The following RBFOX3 variants were observed in gnomAD, a reference collection of about 807,000 sequenced individuals.
RBFOX3 encodes the protein RNA binding fox-1 homolog 3.
Under a neutral mutation model 48.7 loss-of-function variants are expected in RBFOX3, and 17 were observed. That is an observed-to-expected ratio of 0.35 (90% confidence interval 0.24 to 0.52). The LOEUF is 0.52. Ranked by LOEUF, RBFOX3 falls within the 20% of genes least tolerant of loss-of-function variation. The pLI is 0.94. For synonymous variants in RBFOX3, 212 were observed against 209.5 expected, an observed-to-expected ratio of 1.01 and a Z score of -0.10; for missense variants, 382 against 497.5, an observed-to-expected ratio of 0.77 and a Z score of 2.21.
At chr17:79,456,071 G>A (rs972976526) in intron 2 of RBFOX3, among the ~76,000 whole-genome samples, 2 of 151,970 alleles carry the variant, frequency 1.3e-5, no homozygotes, top group Non-Finnish European at 2.9e-5. Context: ...TACTGACCAG[G>A]CCCCACCCCA....
intron 4 of RBFOX3, among the ~76,000 whole-genome samples, chr17:79,176,117 T>C (rs1301612225): frequency 6.6e-6 from 1 of 152,164 alleles, no homozygotes; most frequent in African/African-American, 2.4e-5. Context: ...CAGGAGGAAT[T>C]TGCGGAAGGG....
chr17:79,517,084 A>G (rs2085350865), intron 1 of RBFOX3, among the ~76,000 whole-genome samples: 1 of 152,116 alleles, frequency 6.6e-6, no homozygotes, highest in East Asian at 1.9e-4. Context: ...GCCGAATGCC[A>G]CTGGCTGAAC....
intron 5 of RBFOX3, among the ~76,000 whole-genome samples, chr17:79,110,130 C>CAA (rs34151285): frequency 8.3e-5 from 11 of 132,354 alleles, no homozygotes; most frequent in Non-Finnish European, 6.6e-5. Flanking sequence ...TTCCCCCACT[C>CAA]AAAAAAAAAA....
chr17:79,285,792 T>C (rs2071727637), intron 3 of RBFOX3, among the ~76,000 whole-genome samples: 1 of 152,196 alleles, frequency 6.6e-6, no homozygotes, highest in Admixed American at 6.5e-5. Flanking sequence ...CAAGTGATTC[T>C]CCTGCCTCAG....
At chr17:79,259,775 TCAGGGTCACAGTAGCCG>T (rs2065449680) in intron 3 of RBFOX3, among the ~76,000 whole-genome samples, 1 of 152,038 alleles carries the variant, frequency 6.6e-6, no homozygotes, top group Non-Finnish European at 1.5e-5. Flanking sequence ...CCCCCGCATC[TCAGGGTCACAGTAGCCG>T]CAGGGGCTCT....
At chr17:79,611,157 T>G (rs1242771100), upstream of RBFOX3, among the ~76,000 whole-genome samples, 5 of 24,890 alleles carry the variant, frequency 2.0e-4, no homozygotes, top group Admixed American at 5.4e-4. Flanking sequence ...TCTCTCTCTC[T>G]CTCTCTCTCT....
At chr17:79,385,719 G>C (rs1006198698) in intron 2 of RBFOX3, among the ~76,000 whole-genome samples, 1 of 152,134 alleles carries the variant, frequency 6.6e-6, no homozygotes, top group Non-Finnish European at 1.5e-5. Context: ...TCCCATAACA[G>C]AAGGAGGCTC....
intron 1 of RBFOX3, among the ~76,000 whole-genome samples, chr17:79,567,475 G>T (rs922432722): frequency 6.6e-6 from 1 of 152,200 alleles, no homozygotes; most frequent in African/African-American, 2.4e-5. Flanking sequence ...GTGAGCCACC[G>T]CACCCAGCCA....
chr17:79,457,156 C>T (rs1404386653), intron 2 of RBFOX3, among the ~76,000 whole-genome samples: 1 of 152,228 alleles, frequency 6.6e-6, no homozygotes, highest in African/African-American at 2.4e-5. Context: ...TTCCTGGTCC[C>T]CTGAGCAGAA....
intron 10 of RBFOX3, 82 bp from the exon 11 acceptor site, chr17:79,097,506 C>T (rs1455235709): frequency 7.0e-7 from 1 of 1,436,086 alleles, no homozygotes. Context: ...CCTAGCCCCC[C>T]CGCGCACCTA....
chr17:79,474,730 C>T (rs1438607306), intron 2 of RBFOX3, among the ~76,000 whole-genome samples: 4 of 152,298 alleles, frequency 2.6e-5, no homozygotes, highest in South Asian at 4.1e-4. Flanking sequence ...TGGACTCTTA[C>T]CTCCACCATC....
intron 1 of RBFOX3, among the ~76,000 whole-genome samples, chr17:79,582,944 G>A (rs889044329): frequency 6.6e-6 from 1 of 152,132 alleles, no homozygotes; most frequent in Non-Finnish European, 1.5e-5. Flanking sequence ...ATGGACCACT[G>A]CGACCCACAA....
chr17:79,270,790 G>T (rs1444576029), intron 3 of RBFOX3, among the ~76,000 whole-genome samples: 1 of 152,250 alleles, frequency 6.6e-6, no homozygotes, highest in Non-Finnish European at 1.5e-5. Context: ...CACACAGAGG[G>T]ACAACAGGCT....
intron 1 of RBFOX3, among the ~76,000 whole-genome samples, chr17:79,510,486 C>T (rs938887555): frequency 7.2e-5 from 11 of 152,210 alleles, no homozygotes; most frequent in Non-Finnish European, 1.0e-4. Flanking sequence ...CCTTCATGTT[C>T]GGGGCCACAG....
At chr17:79,187,991 A>G (rs981962618) in intron 4 of RBFOX3, among the ~76,000 whole-genome samples, 2 of 152,190 alleles carry the variant, frequency 1.3e-5, no homozygotes, top group Admixed American at 6.5e-5. Flanking sequence ...GCTTCCTTAT[A>G]TCAGGAGTCG....
chr17:79,556,002 T>C (rs1276405527), intron 1 of RBFOX3, among the ~76,000 whole-genome samples: 1 of 152,052 alleles, frequency 6.6e-6, no homozygotes, highest in Non-Finnish European at 1.5e-5. Context: ...ACAGGCCCCA[T>C]TGGAAAGATG....
upstream of RBFOX3, among the ~76,000 whole-genome samples, chr17:79,615,878 G>A (rs939394116): frequency 3.3e-5 from 5 of 152,282 alleles, no homozygotes; most frequent in African/African-American, 7.2e-5. Flanking sequence ...CTTGTAAAGC[G>A]TGGGGCAGCT....
At chr17:79,273,673 G>A (rs113855121) in intron 3 of RBFOX3, among the ~76,000 whole-genome samples, 30 of 152,312 alleles carry the variant, frequency 2.0e-4, no homozygotes, top group African/African-American at 6.7e-4. Context: ...ATGGGCATTG[G>A]TACCACAGAG....
rs969708118 is a variant in RBFOX3 at position 79,595,267 on chromosome 17, A to G, written c.-320+15559T>C. Reference sequence around the variant, plus strand: ...CACGCAGACACGCAGCTCCCTGGAGAGCAGACTTGGGTCCCCAGCCCAGGA... The same window carrying G: ...CACGCAGACACGCAGCTCCCTGGAGGGCAGACTTGGGTCCCCAGCCCAGGA... On this transcript the variant is annotated intron_variant, in intron 1 of 14. Transcript: ENST00000693108. Among the ~76,000 whole-genome samples the G allele has an allele frequency of 1.3e-3, 202 of 152,216 alleles. 1 individual carries two copies. The highest frequency in any genetic ancestry group is 4.6e-3 in the African/African-American group (192 of 41,532).
Sources: allele counts gnomAD v4.1 joint callset (sites outside exome capture counted in the v4.1 genomes callset), GRCh38; gene constraint gnomAD v4.1.1; transcripts MANE v1.5; gene names NCBI Gene and HGNC (gene_info 2026-07-23, HGNC 2026-07-21).